The following ARID1B variants were observed in gnomAD, a reference collection of about 807,000 sequenced individuals.
ARID1B encodes the protein AT-rich interaction domain 1B.
Under a neutral mutation model 212.3 loss-of-function variants are expected in ARID1B, and 30 were observed. That is an observed-to-expected ratio of 0.14 (90% CI 0.11 to 0.19). The LOEUF is 0.19. Ranked by LOEUF, ARID1B falls within the 10% of genes least tolerant of loss-of-function variation. The pLI, the probability that ARID1B is intolerant of heterozygous loss-of-function variation, is 1.00. For missense variants in ARID1B, 2,891 were observed against 3,204.0 expected (o/e 0.90, Z 2.36); for synonymous variants, 1,402 against 1,301.7 (o/e 1.08, Z -1.66).
At chr6:156,994,693 G>T (rs1395161336) in intron 4 of ARID1B, among the ~76,000 whole-genome samples, 1 of 152,110 alleles carries the variant, frequency 6.6e-6, no homozygotes. Flanking sequence ...AATTCTCAAC[G>T]GTTCCCTCCA....
chr6:156,880,016 G>T (rs1786913909), intron 2 of ARID1B, among the ~76,000 whole-genome samples: 1 of 152,248 alleles, frequency 6.6e-6, no homozygotes, highest in South Asian at 2.1e-4. Flanking sequence ...GGCTGTTCCA[G>T]TAGGGGCTGT....
Position 156,778,931 on chromosome 6 carries a change from A to AGGAGCG in ARID1B, c.1257_1262dup (p.Gly420_Ala421dup), listed in dbSNP as rs1778935469. On this transcript the variant is annotated inframe_insertion, in exon 1 of 20. Transcript: ENST00000636930. ...GAGGAGGAGCAGGAGCAGGAGGAGCAGGAGCGGGAGCTGTGGCGGCGGCGG... is the reference window on the plus strand; with the variant it reads ...GAGGAGGAGCAGGAGCAGGAGGAGCAGGAGCGGGAGCGGGAGCTGTGGCGGCGGCGG... 4 of 1,310,650 alleles carry AGGAGCG rather than the reference A, an allele frequency of 3.1e-6. No homozygotes were observed. Among genetic ancestry groups the AGGAGCG allele is most frequent in the Non-Finnish European group, 2.9e-6 (3 of 1,037,576 alleles). The allele number at this position is 1,310,650 out of a possible 1,614,324, so 81.2% of individuals were successfully genotyped here. A position where few individuals can be genotyped will look rare whatever the true frequency, so the allele number is the denominator to read the frequency against.
At position 157,207,405 on chromosome 6, in the gene ARID1B, A is replaced by G; in HGVS notation, c.6633A>G (p.Lys2211=). The change falls in exon 20 of 20, where the codon AAA becomes AAG. Residue 2211 remains lysine, a synonymous_variant. Coordinates refer to ENST00000636930, the MANE Select transcript of ARID1B (RefSeq NM_001374828.1). This position sits in a 1 kb window ranked among gnomAD's most constrained non-coding sequence, Gnocchi z 8.5. ...GACTTGTGCTGGAGACCCTCTGTAA[A>G]CTCAGTATCCAGGACAATAATGTGG... is the stretch of plus-strand genomic sequence containing the variant. ...PQRLVLETLC[K]LSIQDNNVDL... 1 of 1,614,008 alleles carries G rather than the reference A, an allele frequency of 6.2e-7. No homozygotes were observed. The highest frequency in any genetic ancestry group is 2.2e-5 in the East Asian group (1 of 44,862).
intron 13 of ARID1B, 30 bp downstream of exon 13, chr6:157,184,465 A>T: frequency 6.2e-7 from 1 of 1,612,778 alleles, no homozygotes; most frequent in Non-Finnish European, 8.5e-7. Flanking sequence ...TCACTGGCCC[A>T]GGAAAGCCCA....
intron 13 of ARID1B, among the ~76,000 whole-genome samples, chr6:157,187,157 G>A (rs1793031659): frequency 6.6e-6 from 1 of 152,204 alleles, no homozygotes; most frequent in Admixed American, 6.5e-5. Flanking sequence ...AGGTTGTGGG[G>A]GAGTTCCAAT....
rs773247445 is a variant in ARID1B, at chr6:156,829,366, G to C, written c.1931G>C (p.Gly644Ala). Reference protein sequence around the residue: ...GPPGPQRYPIGIQGRTPGAMA... With the variant: ...GPPGPQRYPIAIQGRTPGAMA... The stretch of plus-strand genomic sequence containing the variant: ...CCAGGCCCACAGCGGTATCCAATTG[G>C]CATCCAGGGTCGGACTCCCGGGGCC... The change falls in exon 2 of 20, where the codon GGC becomes GCC. Residue 644 changes from glycine (G) to alanine (A), a missense_variant. Physicochemically the swap from Gly to Ala is moderately conservative, Grantham distance 60. Around this residue, in one of 7 missense-constraint regions of ARID1B, gnomAD observed 1,643 missense variants for 1,544.0 expected, o/e 1.06. Transcript: ENST00000636930. The C allele has an allele frequency of 6.2e-7, 1 of 1,614,168 alleles. No individual in the cohort carries two copies. The highest frequency in any genetic ancestry group is 8.5e-7 in the Non-Finnish European group (1 of 1,180,032).
chr6:157,039,992 C>T (rs770031567), intron 4 of ARID1B, among the ~76,000 whole-genome samples: 17 of 150,552 alleles, frequency 1.1e-4, no homozygotes, highest in Non-Finnish European at 1.2e-4. Flanking sequence ...GCTTTGTCGC[C>T]AGGCTAGAGT....
intron 8 of ARID1B, among the ~76,000 whole-genome samples, chr6:157,154,939 C>T (rs934372956): frequency 6.6e-6 from 1 of 152,110 alleles, no homozygotes; most frequent in Admixed American, 6.6e-5. Flanking sequence ...CACAACACCT[C>T]TTCATTTTTG....
chr6:157,042,926 G>C (rs2067392719), intron 4 of ARID1B, among the ~76,000 whole-genome samples: 1 of 152,146 alleles, frequency 6.6e-6, no homozygotes, highest in African/African-American at 2.4e-5. Context: ...CTCCCAAAGT[G>C]CTGGGATTAC....
chr6:157,142,179 A>T (rs1562297267), intron 7 of ARID1B, among the ~76,000 whole-genome samples: 1 of 152,200 alleles, frequency 6.6e-6, no homozygotes, highest in South Asian at 2.1e-4. Flanking sequence ...CGGAAATCAG[A>T]TCAGTGGTTG....
chr6:157,137,856 A>G (rs980755425), intron 7 of ARID1B, among the ~76,000 whole-genome samples: 2 of 152,104 alleles, frequency 1.3e-5, no homozygotes, highest in Admixed American at 6.6e-5. Context: ...GGTGTAAATT[A>G]TTTCTAAATT....
chr6:157,094,233 G>A lies in ARID1B; in HGVS notation c.2491+9328G>A, dbSNP rs113169941. On this transcript the variant is annotated intron_variant, in intron 5 of 19. Coordinates refer to ENST00000636930, the MANE Select transcript of ARID1B (RefSeq NM_001374828.1). The surrounding 1 kb of genome is among the most constrained non-coding windows in gnomAD (Gnocchi z 4.3). ...TATTGTGCTTAGTGTGTTGGGCGGC[G>A]AACACCAGGAAATCAGTGTAGCCAC... 1.8e-4 allele frequency among the ~76,000 whole-genome samples: 28 copies of A among 152,262 alleles called. 1 individual carries two copies. The highest frequency in any genetic ancestry group is 5.8e-4 in the African/African-American group (24 of 41,534).
chr6:157,077,833 C>G (rs1462536393), intron 4 of ARID1B, among the ~76,000 whole-genome samples: 1 of 152,156 alleles, frequency 6.6e-6, no homozygotes, highest in Non-Finnish European at 1.5e-5. Context: ...CCCTTTTTCT[C>G]CACCTCCTCT....
intron 4 of ARID1B, among the ~76,000 whole-genome samples, chr6:156,975,613 C>CTTTTTTTTTTTTTTTTTTTT (rs367797338): frequency 2.7e-5 from 3 of 110,852 alleles, no homozygotes; most frequent in African/African-American, 1.0e-4. Context: ...TTTTTTTTTT[C>CTTTTTTTTTTTTTTTTTTTT]TTTTTTTTTT....
chr6:156,934,185 A>G (rs187830282), intron 3 of ARID1B, among the ~76,000 whole-genome samples: 72 of 152,300 alleles, frequency 4.7e-4, no homozygotes, highest in African/African-American at 1.5e-3. Flanking sequence ...TTTTCTCTTC[A>G]ATTAGAAACT....
At chr6:157,009,550 G>C (rs1045034688) in intron 4 of ARID1B, among the ~76,000 whole-genome samples, 1 of 152,212 alleles carries the variant, frequency 6.6e-6, no homozygotes, top group South Asian at 2.1e-4. Flanking sequence ...CATTCAACAA[G>C]TATTTATTGT....
At chr6:156,879,819 T>C (rs1786898126) in intron 2 of ARID1B, among the ~76,000 whole-genome samples, 3 of 152,322 alleles carry the variant, frequency 2.0e-5, no homozygotes, top group Admixed American at 6.5e-5. Flanking sequence ...TGTGTAAGCT[T>C]AGCCTTCCTG....
At chr6:156,790,547 T>G (rs1290513910) in intron 1 of ARID1B, among the ~76,000 whole-genome samples, 2 of 152,246 alleles carry the variant, frequency 1.3e-5, no homozygotes, top group African/African-American at 2.4e-5. Context: ...GATCTTTTGC[T>G]TCTACTTTAT....
At chr6:157,129,546 T>G (rs1051335972) in intron 6 of ARID1B, among the ~76,000 whole-genome samples, 3 of 152,236 alleles carry the variant, frequency 2.0e-5, no homozygotes, top group Non-Finnish European at 4.4e-5. Flanking sequence ...AAAATAGCTT[T>G]CAAGTTGTAA....
Sources: gnomAD v4.1 joint callset for allele counts (sites outside exome capture counted in the v4.1 genomes callset) on GRCh38, gnomAD v4.1.1 for gene constraint, gnomAD v4.1.1 regional missense constraint, Gnocchi (gnomAD v3.1) non-coding constraint, MANE v1.5 for transcripts, NCBI Gene and HGNC (gene_info 2026-07-23, HGNC 2026-07-21) for gene names.